Variants in INTS10 observed in about 807,000 individuals in gnomAD.
INTS10 encodes the protein chromosome 8 open reading frame 35.
INTS10 carries 44 observed loss-of-function variants against 94.4 expected under a neutral mutation model. The ratio of observed to expected loss-of-function variants is 0.47; its 90% CI spans 0.37 to 0.60. The LOEUF is 0.60. Among genes scored for constraint, INTS10 ranks in the 20% least tolerant of loss-of-function variants. The probability of loss-of-function intolerance (pLI) is 0.00; values close to 1 mark genes in which losing one functional copy is unlikely to be tolerated. For synonymous variants in INTS10, 341 were observed against 320.7 expected (o/e 1.06, Z -0.68); for missense variants, 797 against 868.7 (o/e 0.92, Z 1.04).
chr8:19,818,597 C>T, intron 2 of INTS10: 1 of 495,840 alleles, frequency 2.0e-6, no homozygotes, highest in Admixed American at 3.6e-5. Flanking sequence ...ATAATATGTG[C>T]TCATTACAAA....
intron 4 of INTS10, chr8:19,821,994 T>A (rs2066415827): frequency 6.5e-6 from 1 of 154,870 alleles, no homozygotes; most frequent in African/African-American, 2.4e-5. Context: ...TACACCAGAC[T>A]GTATGACTGG....
chr8:19,850,161 A>G (rs540537651), intron 16 of INTS10, among the ~76,000 whole-genome samples: 244 of 152,020 alleles, frequency 1.6e-3, no homozygotes, highest in African/African-American at 5.3e-3. Flanking sequence ...AAGAAAGAAA[A>G]AAAAAGGAGG....
Position 19,826,524 on chromosome 8 carries a change from A to G in INTS10, c.1105A>G (p.Lys369Glu), listed in dbSNP as rs775961522. Residue 369 changes from lysine to glutamate, a missense_variant, in exon 9 of 17, where the codon AAG becomes GAG. By Grantham distance (56) the Lys-to-Glu change is moderately conservative. Coordinates refer to ENST00000397977, the MANE Select transcript of INTS10 (RefSeq NM_018142.4). ...TGATCGTAATAAACACATCCATAAA[A>G]AGAGGAAACTAGCTGAAGGAAGAGA... Reference protein sequence around the residue: ...EIDRNKHIHKKRKLAEGREKT... With the variant: ...EIDRNKHIHKERKLAEGREKT... The G allele has an allele frequency of 1.2e-6, 2 of 1,612,796 alleles. No individual in the cohort carries two copies. The highest frequency in any genetic ancestry group is 2.7e-5 in the African/African-American group (2 of 74,810).
chr8:19,831,942 C>G, intron 10 of INTS10, 86 bp from the exon 11 acceptor site: 1 of 808,012 alleles, frequency 1.2e-6, no homozygotes, highest in Non-Finnish European at 2.2e-6. Context: ...TAGGTTGTCT[C>G]TCTTCTCTCT....
Position 19,824,938 on chromosome 8 carries a change from G to A in INTS10, c.972G>A (p.Gln324=), listed in dbSNP as rs754235083. 1 of 1,613,946 alleles carries A rather than the reference G, an allele frequency of 6.2e-7. No homozygotes were observed. The highest frequency in any genetic ancestry group is 8.5e-7 in the Non-Finnish European group (1 of 1,179,948). Residue 324 remains glutamine, a synonymous_variant, in exon 8 of 17, where the codon CAG becomes CAA. Coordinates refer to ENST00000397977, the MANE Select transcript of INTS10 (RefSeq NM_018142.4). ...TMLVFFKNAF[Q]YVNSIQPSLF... ...TGGTCTTCTTTAAGAATGCATTCCA[G>A]TATGTCAACAGCATACAGCCATCTC...
chr8:19,851,942 G>T lies in INTS10; in HGVS notation c.*137G>T. 3.1e-6 allele frequency: 2 copies of T among 646,378 alleles called. No individual in the cohort carries two copies. Among genetic ancestry groups the T allele is most frequent in the Non-Finnish European group, 5.0e-6 (2 of 400,628 alleles). The allele number at this position is 646,378 out of a possible 1,614,324, so 40.0% of individuals were successfully genotyped here. ...AAAACCATCTGAGTTCTAACTCCTT[G>T]GTTGCTTAAAAGTAGTTCCCAAGAG... On this transcript the variant is annotated 3_prime_UTR_variant, in exon 17 of 17. Transcript: ENST00000397977. The surrounding 1 kb of genome is among the most constrained non-coding windows in gnomAD (Gnocchi z 5.0).
Position 19,844,185 on chromosome 8 carries a change from A to T in INTS10, c.1829A>T (p.Lys610Ile). 6.2e-7 allele frequency: 1 copy of T among 1,613,874 alleles called. No individual in the cohort carries two copies. Among genetic ancestry groups the T allele is most frequent in the Non-Finnish European group, 8.5e-7 (1 of 1,179,780 alleles). Reference protein sequence around the residue: ...GENLFLKAVNKICQQGNFQYE... With the variant: ...GENLFLKAVNIICQQGNFQYE... ...AATCTTTTCCTGAAAGCTGTCAATA[A>T]AATTTGCCAACAAGGAAATTTCCAA... The change falls in exon 15 of 17, where the codon AAA becomes ATA. Residue 610 changes from lysine (K) to isoleucine (I), a missense_variant. Transcript: ENST00000397977.
intron 2 of INTS10, among the ~76,000 whole-genome samples, 165 bp from the exon 3 acceptor site, chr8:19,819,408 T>C (rs1221225615): frequency 6.6e-6 from 1 of 152,242 alleles, no homozygotes; most frequent in African/African-American, 2.4e-5. Flanking sequence ...CTCATTTTTA[T>C]AAATCAAGTA....
At chr8:19,830,681 C>G in intron 10 of INTS10, 122 bp downstream of exon 10, 1 of 941,380 alleles carries the variant, frequency 1.1e-6, no homozygotes, top group Non-Finnish European at 1.6e-6. Flanking sequence ...TTTTTTTTTT[C>G]TTGTTTTGAG....
chr8:19,820,291 C>A, intron 3 of INTS10, 88 bp from the exon 4 acceptor site: 1 of 1,301,236 alleles, frequency 7.7e-7, no homozygotes, highest in Admixed American at 2.2e-5. Flanking sequence ...GTTTACTGTT[C>A]TGTACATGAA....
In INTS10 at chr8:19,830,510, G is replaced by A. The variant is rs773695810; in HGVS notation, c.1245G>A (p.Leu415=). 210 of 1,614,106 alleles carry A rather than the reference G, an allele frequency of 1.3e-4. No homozygotes were observed. Among genetic ancestry groups the A allele is most frequent in the South Asian group, 3.3e-4 (30 of 91,076 alleles). ...CTGAAGTGTTAGAAAGCTTTAAATTGGCCAGGGAGAGCTGGGAGTTGCTCT... is the reference window on the plus strand; with the variant it reads ...CTGAAGTGTTAGAAAGCTTTAAATTAGCCAGGGAGAGCTGGGAGTTGCTCT... The part of the protein sequence containing the change: ...NSTEVLESFK[L]ARESWELLYS... Residue 415 remains leucine (L), a synonymous_variant, in exon 10 of 17, where the codon TTG becomes TTA. Coordinates refer to ENST00000397977, the MANE Select transcript of INTS10 (RefSeq NM_018142.4).
intron 10 of INTS10, 69 bp downstream of exon 10, chr8:19,830,628 A>C: frequency 2.1e-6 from 3 of 1,429,980 alleles, no homozygotes; most frequent in Non-Finnish European, 2.9e-6. Context: ...TTCAAATGTC[A>C]GGTCACTTAC....
In INTS10 at chr8:19,823,386, T is replaced by G; in HGVS notation, c.609T>G (p.Ala203=). The change falls in exon 6 of 17, where the codon GCT becomes GCG. Residue 203 remains alanine (A), a synonymous_variant. Coordinates refer to ENST00000397977, the MANE Select transcript of INTS10 (RefSeq NM_018142.4). ...TGTATAAGTACTTGAACAAAGCAGC[T>G]GAATTTTATATCAATTATGTCACTA... is the stretch of plus-strand genomic sequence containing the variant. ...NLLYKYLNKA[A]EFYINYVTRS... The G allele has an allele frequency of 6.2e-7, 1 of 1,606,290 alleles. No individual in the cohort carries two copies. Among genetic ancestry groups the G allele is most frequent in the Middle Eastern group, 1.7e-4 (1 of 6,050 alleles).
At chr8:19,845,001 G>T (rs1221146547) in intron 15 of INTS10, among the ~76,000 whole-genome samples, 1 of 152,006 alleles carries the variant, frequency 6.6e-6, no homozygotes, top group African/African-American at 2.4e-5. Context: ...GGGCTCAAGA[G>T]ACCCTCCTAC....
chr8:19,851,760 G>C lies in INTS10; in HGVS notation c.2088G>C (p.Arg696Ser). ...CGENLMVVLH[R>S]FCINEKILLL... is the part of the protein sequence containing the mutation. Reference sequence around the variant, plus strand: ...AGAATCTGATGGTGGTTCTGCACAGGTTCTGCATTAATGAGAAGATCTTGC... The same window carrying C: ...AGAATCTGATGGTGGTTCTGCACAGCTTCTGCATTAATGAGAAGATCTTGC... Residue 696 changes from arginine (R) to serine (S), a missense_variant, in exon 17 of 17, where the codon AGG becomes AGC. Transcript: ENST00000397977. This position sits in a 1 kb window ranked among gnomAD's most constrained non-coding sequence, Gnocchi z 5.0. The C allele has an allele frequency of 6.2e-7, 1 of 1,614,122 alleles. No individual in the cohort carries two copies. The highest frequency in any genetic ancestry group is 8.5e-7 in the Non-Finnish European group (1 of 1,179,986).
Position 19,823,360 on chromosome 8 carries a change from T to G in INTS10, c.583T>G (p.Leu195Val), listed in dbSNP as rs1255509017. ...NHDVRLPANL[L>V]YKYLNKAAEF... ...TGATGTTCGATTACCTGCCAATTTA[T>G]TGTATAAGTACTTGAACAAAGCAGC... is the stretch of plus-strand genomic sequence containing the variant. Residue 195 changes from leucine to valine, a missense_variant, in exon 6 of 17, where the codon TTG (leucine) becomes GTG (valine). Leu to Val is a conservative substitution (Grantham distance 32, BLOSUM62 1). Around this residue, in one of 3 missense-constraint regions of INTS10, gnomAD observed 734 missense variants for 787.8 expected, o/e 0.93. Transcript: ENST00000397977. 2 of 1,601,380 alleles carry G rather than the reference T, an allele frequency of 1.2e-6. No individual in the cohort carries two copies. The highest frequency in any genetic ancestry group is 1.7e-6 in the Non-Finnish European group (2 of 1,168,538).
chr8:19,817,588 G>A lies in INTS10; in HGVS notation c.51G>A (p.Leu17=), dbSNP rs761006930. The A allele has an allele frequency of 6.8e-6, 11 of 1,608,842 alleles. No individual in the cohort carries two copies. In the East Asian group the frequency reaches 2.5e-4, roughly 36 times the overall value. Residue 17 remains leucine (L), a synonymous_variant, in exon 1 of 17, where the codon TTG becomes TTA. Coordinates refer to ENST00000397977, the MANE Select transcript of INTS10 (RefSeq NM_018142.4). ...TCCTGGTGCAGCGAGCCCGGGAGTT[G>A]GTGCCGCAAGACCTGTGGGCAGCCA... The part of the protein sequence containing the change: ...CEFLVQRARE[L]VPQDLWAAKA...
chr8:19,841,826 G>A (rs1439424522), intron 13 of INTS10: 1 of 455,868 alleles, frequency 2.2e-6, no homozygotes, highest in Non-Finnish European at 4.4e-6. Flanking sequence ...TTCATTTACA[G>A]GGTCATGAGT....
intron 15 of INTS10, 84 bp downstream of exon 15, chr8:19,844,322 G>C (rs1298988053): frequency 9.9e-7 from 1 of 1,014,626 alleles, no homozygotes; most frequent in Admixed American, 2.6e-5. Flanking sequence ...AACCATTCTG[G>C]ATAGAAATAA....
Sources: gnomAD v4.1 joint callset for allele counts (sites outside exome capture counted in the v4.1 genomes callset) on GRCh38, gnomAD v4.1.1 for gene constraint, gnomAD v4.1.1 regional missense constraint, Gnocchi (gnomAD v3.1) non-coding constraint, MANE v1.5 for transcripts, NCBI Gene and HGNC (gene_info 2026-07-23, HGNC 2026-07-21) for gene names.